SLC45A3: variants seen among roughly 807,000 people sequenced by gnomAD.
The protein encoded by SLC45A3 is solute carrier family 45 member 3.
A neutral mutation model predicts 35.3 loss-of-function variants in SLC45A3; 17 were observed. The ratio of observed to expected loss-of-function variants is 0.48; its 90% CI spans 0.33 to 0.72. The LOEUF is 0.72. SLC45A3 is among the 30% of genes least tolerant of loss of function. The probability of loss-of-function intolerance (pLI) is 0.02; values close to 1 mark genes in which losing one functional copy is unlikely to be tolerated. For synonymous variants in SLC45A3, 288 were observed against 334.3 expected (o/e 0.86, Z 1.51); for missense variants, 597 against 731.7 (o/e 0.82, Z 2.12).
At chr1:205,670,036 C>T (rs533926357) in intron 1 of SLC45A3, among the ~76,000 whole-genome samples, 3 of 151,932 alleles carry the variant, frequency 2.0e-5, no homozygotes, top group South Asian at 2.1e-4. Context: ...CCCCTCCTCG[C>T]CCCAGTCCCA....
intron 1 of SLC45A3, among the ~76,000 whole-genome samples, chr1:205,677,991 T>A (rs1404402264): frequency 6.6e-6 from 1 of 152,204 alleles, no homozygotes; most frequent in African/African-American, 2.4e-5. Context: ...GCCAAGCTGG[T>A]GGAGCTCACC....
At chr1:205,677,245 G>A (rs1052938905) in intron 1 of SLC45A3, among the ~76,000 whole-genome samples, 2 of 152,174 alleles carry the variant, frequency 1.3e-5, no homozygotes, top group Admixed American at 6.5e-5. Flanking sequence ...GGAGAGACAC[G>A]GACATCCAGT....
chr1:205,659,368 T>A lies in SLC45A3; in HGVS notation c.1528A>T (p.Met510Leu). 1 of 1,614,066 alleles carries A rather than the reference T, an allele frequency of 6.2e-7. No homozygotes were observed. Among genetic ancestry groups the A allele is most frequent in the Non-Finnish European group, 8.5e-7 (1 of 1,180,012 alleles). Residue 510 changes from methionine (M) to leucine (L), a missense_variant, in exon 5 of 5, where the codon ATG becomes TTG. This residue lies in a region of SLC45A3 where 555 missense variants were observed against 664.9 expected (regional missense o/e 0.83). Transcript: ENST00000367145. This position sits in a 1 kb window ranked among gnomAD's most constrained non-coding sequence, Gnocchi z 5.8. ...LLSQVAPSLF[M>L]GSIVQLSQSV... ...TGGCTGAGCTGGACAATGGAGCCCA[T>A]AAACAGGGATGGGGCCACCTGGGAC...
chr1:205,671,365 G>A (rs1182827481), intron 1 of SLC45A3, among the ~76,000 whole-genome samples: 1 of 152,190 alleles, frequency 6.6e-6, no homozygotes, highest in Non-Finnish European at 1.5e-5. Flanking sequence ...GACCAGCAGT[G>A]CTCTTCAACC....
At chr1:205,678,557 T>C (rs969084262) in intron 1 of SLC45A3, among the ~76,000 whole-genome samples, 3 of 152,128 alleles carry the variant, frequency 2.0e-5, no homozygotes, top group Non-Finnish European at 4.4e-5. Context: ...GATCACTGTC[T>C]ACTCCTCCTC....
chr1:205,674,802 G>C (rs1283464852), intron 1 of SLC45A3, among the ~76,000 whole-genome samples: 1 of 151,682 alleles, frequency 6.6e-6, no homozygotes, highest in Non-Finnish European at 1.5e-5. Flanking sequence ...TGCAACCTCT[G>C]CCTCCCGGAT....
At chr1:205,668,637 G>A (rs1360385569) in intron 1 of SLC45A3, among the ~76,000 whole-genome samples, 1 of 152,138 alleles carries the variant, frequency 6.6e-6, no homozygotes, top group Non-Finnish European at 1.5e-5. Flanking sequence ...GCAAAGACAA[G>A]ATCAACCAGA....
intron 1 of SLC45A3, among the ~76,000 whole-genome samples, chr1:205,677,966 G>A (rs979916844): frequency 2.6e-5 from 4 of 152,156 alleles, no homozygotes; most frequent in African/African-American, 9.7e-5. Context: ...AGGCTTGGAC[G>A]AGGTTATGTA....
chr1:205,663,238 T>C lies in SLC45A3; in HGVS notation c.553A>G (p.Thr185Ala). The C allele has an allele frequency of 6.2e-7, 1 of 1,613,536 alleles. No individual in the cohort carries two copies. The highest frequency in any genetic ancestry group is 1.3e-5 in the African/African-American group (1 of 75,032). The change falls in exon 3 of 5, where the codon ACC becomes GCC. Residue 185 changes from threonine to alanine, a missense_variant. By Grantham distance (58) the Thr-to-Ala change is moderately conservative. Around this residue, in one of 3 missense-constraint regions of SLC45A3, gnomAD observed 555 missense variants for 664.9 expected, o/e 0.83. Coordinates refer to ENST00000367145, the MANE Select transcript of SLC45A3 (RefSeq NM_033102.3). The stretch of plus-strand genomic sequence containing the variant: ...CCCAGGTAGGGGGCCAGGGCACTGG[T>C]GTCCCAGTCAATGGCAGGCAGGAGG... Reference protein sequence around the residue: ...GYLLPAIDWDTSALAPYLGTQ... With the variant: ...GYLLPAIDWDASALAPYLGTQ...
rs769859945 is a variant in SLC45A3 at position 205,663,529 on chromosome 1, A to T, written c.262T>A (p.Phe88Ile). ...ATGCCCAAGGACAGTGCCCAGATGAAGGGCCGGCGGCGGCCATAGCGTCCA... is the reference window on the plus strand; with the variant it reads ...ATGCCCAAGGACAGTGCCCAGATGATGGGCCGGCGGCGGCCATAGCGTCCA... ...WRGRYGRRRP[F>I]IWALSLGILL... is the part of the protein sequence containing the mutation. The change falls in exon 3 of 5, where the codon TTC becomes ATC. Residue 88 changes from phenylalanine to isoleucine, a missense_variant. Around this residue, in one of 3 missense-constraint regions of SLC45A3, gnomAD observed 555 missense variants for 664.9 expected, o/e 0.83. Transcript: ENST00000367145. The T allele has an allele frequency of 9.3e-6, 15 of 1,612,942 alleles. No homozygotes were observed. In the South Asian group the frequency reaches 1.4e-4, roughly 15 times the overall value.
rs571487572 is a variant in SLC45A3 at position 205,662,973 on chromosome 1, C to A, written c.818G>T (p.Arg273Leu). 6.2e-7 allele frequency: 1 copy of A among 1,613,568 alleles called. No individual in the cohort carries two copies. Among genetic ancestry groups the A allele is most frequent in the East Asian group, 2.2e-5 (1 of 44,882 alleles). ...GCTGCACAGCTCAGCCACGAAGAGCCGGCGCAGGGTGCGGGGCATGCGGCA... is the reference window on the plus strand; with the variant it reads ...GCTGCACAGCTCAGCCACGAAGAGCAGGCGCAGGGTGCGGGGCATGCGGCA... ...LCCRMPRTLR[R>L]LFVAELCSWM... Residue 273 changes from arginine to leucine, a missense_variant, in exon 3 of 5, where the codon CGG (arginine) becomes CTG (leucine). By Grantham distance (102) the Arg-to-Leu change is moderately radical. This residue lies in a region of SLC45A3 where 555 missense variants were observed against 664.9 expected (regional missense o/e 0.83). Transcript: ENST00000367145. This position sits in a 1 kb window ranked among gnomAD's most constrained non-coding sequence, Gnocchi z 6.2.
chr1:205,675,521 A>G (rs1343110322), intron 1 of SLC45A3, among the ~76,000 whole-genome samples: 1 of 152,068 alleles, frequency 6.6e-6, no homozygotes, highest in East Asian at 1.9e-4. Context: ...GGAGCCTGGG[A>G]CTTCTAATCA....
rs1558034200 is a variant in SLC45A3, at chr1:205,663,053, G to A, written c.738C>T (p.Ala246=). The change falls in exon 3 of 5, where the codon GCC becomes GCT. Residue 246 remains alanine (A), a synonymous_variant. Transcript: ENST00000367145. ...SLSPHCCPCR[A]RLAFRNLGAL... is the part of the protein sequence containing the mutation. ...CGCCCAGGTTCCGGAAAGCCAAGCGGGCCCGGCATGGACAGCAGTGGGGCG... is the reference window on the plus strand; with the variant it reads ...CGCCCAGGTTCCGGAAAGCCAAGCGAGCCCGGCATGGACAGCAGTGGGGCG... 1.9e-6 allele frequency: 3 copies of A among 1,608,344 alleles called. No individual in the cohort carries two copies. The Admixed American group carries it at 5.0e-5, about 27-fold the overall frequency.
chr1:205,661,427 C>T (rs1453809529), intron 4 of SLC45A3, among the ~76,000 whole-genome samples: 4 of 152,184 alleles, frequency 2.6e-5, no homozygotes, highest in African/African-American at 9.7e-5. Context: ...GAGTAGGATA[C>T]AGGCTAAGTC....
In SLC45A3 at chr1:205,659,761, C is replaced by A; in HGVS notation, c.1225-90G>T. On this transcript the variant is annotated intron_variant, in intron 4 of 4. Coordinates refer to ENST00000367145, the MANE Select transcript of SLC45A3 (RefSeq NM_033102.3). The surrounding 1 kb of genome is among the most constrained non-coding windows in gnomAD (Gnocchi z 5.8). ...AGCTGTGAGAACAGACCCTTGCCTC[C>A]ATCCCAGGGGCAATGGGACTTCATG... 8.1e-7 allele frequency: 1 copy of A among 1,231,714 alleles called. No individual in the cohort carries two copies. Among genetic ancestry groups the A allele is most frequent in the Non-Finnish European group, 1.1e-6 (1 of 910,322 alleles). The allele number at this position is 1,231,714 out of a possible 1,614,324, so 76.3% of individuals were successfully genotyped here. A position where few individuals can be genotyped will look rare whatever the true frequency, so the allele number is the denominator to read the frequency against.
rs376079634 is a variant in SLC45A3, at chr1:205,659,419, C to A, written c.1477G>T (p.Ala493Ser). 1 of 1,614,000 alleles carries A rather than the reference C, an allele frequency of 6.2e-7. No homozygotes were observed. The highest frequency in any genetic ancestry group is 1.3e-5 in the African/African-American group (1 of 74,904). Residue 493 changes from alanine to serine, a missense_variant, in exon 5 of 5, where the codon GCC becomes TCC. This residue lies in a region of SLC45A3 where 555 missense variants were observed against 664.9 expected (regional missense o/e 0.83). Transcript: ENST00000367145. This position sits in a 1 kb window ranked among gnomAD's most constrained non-coding sequence, Gnocchi z 5.8. ...VPGRGICLDLAILDSAFLLSQ... is the reference protein window; with the variant it reads ...VPGRGICLDLSILDSAFLLSQ... Reference sequence around the variant, plus strand: ...AGCAGGAAGGCACTATCCAGGATGGCGAGGTCCAGGCAGATGCCCCGGCCC... The same window carrying A: ...AGCAGGAAGGCACTATCCAGGATGGAGAGGTCCAGGCAGATGCCCCGGCCC...
chr1:205,664,894 G>C lies in SLC45A3; in HGVS notation c.-230-8C>G. Reference sequence around the variant, plus strand: ...CGTCTCATCACTCAGATCCTAGAAGGGCGGGGCAATCACAAGCACACGGGG... The same window carrying C: ...CGTCTCATCACTCAGATCCTAGAAGCGCGGGGCAATCACAAGCACACGGGG... On this transcript the variant is annotated splice_polypyrimidine_tract_variant and splice_region_variant and intron_variant, in intron 1 of 4. Transcript: ENST00000367145. This position sits in a 1 kb window ranked among gnomAD's most constrained non-coding sequence, Gnocchi z 5.3. 7.3e-7 allele frequency: 1 copy of C among 1,361,360 alleles called. No individual in the cohort carries two copies. The highest frequency in any genetic ancestry group is 2.8e-5 in the East Asian group (1 of 35,844). 84.3% of individuals were successfully genotyped at this position (1,361,360 alleles called of 1,614,324 possible). A position where few individuals can be genotyped will look rare whatever the true frequency, so the allele number is the denominator to read the frequency against.
intron 4 of SLC45A3, among the ~76,000 whole-genome samples, chr1:205,660,489 A>T (rs1191524066): frequency 6.6e-6 from 1 of 152,012 alleles, no homozygotes; most frequent in African/African-American, 2.4e-5. Flanking sequence ...GCGAGGTGGG[A>T]GCCATGGCAG....
In SLC45A3 at chr1:205,663,240, T is replaced by C; in HGVS notation, c.551A>G (p.Asp184Gly). Residue 184 changes from aspartate to glycine, a missense_variant, in exon 3 of 5, where the codon GAC (aspartate) becomes GGC (glycine). This residue lies in a region of SLC45A3 where 555 missense variants were observed against 664.9 expected (regional missense o/e 0.83). Coordinates refer to ENST00000367145, the MANE Select transcript of SLC45A3 (RefSeq NM_033102.3). ...CAGGTAGGGGGCCAGGGCACTGGTG[T>C]CCCAGTCAATGGCAGGCAGGAGGTA... ...LGYLLPAIDWDTSALAPYLGT... is the reference protein window; with the variant it reads ...LGYLLPAIDWGTSALAPYLGT... 1 of 1,613,532 alleles carries C rather than the reference T, an allele frequency of 6.2e-7. No homozygotes were observed. Among genetic ancestry groups the C allele is most frequent in the Non-Finnish European group, 8.5e-7 (1 of 1,179,994 alleles).
Sources: gnomAD v4.1 joint callset for allele counts (sites outside exome capture counted in the v4.1 genomes callset) on GRCh38, gnomAD v4.1.1 for gene constraint, gnomAD v4.1.1 regional missense constraint, Gnocchi (gnomAD v3.1) non-coding constraint, MANE v1.5 for transcripts, NCBI Gene and HGNC (gene_info 2026-07-23, HGNC 2026-07-21) for gene names.